PISD: variants seen among roughly 807,000 people sequenced by gnomAD.
PISD encodes the protein phosphatidylserine decarboxylase.
In PISD, 31 loss-of-function variants were observed where a neutral mutation model predicts 43.5. The ratio of observed to expected loss-of-function variants is 0.71; its 90% CI spans 0.54 to 0.96. PISD has a LOEUF of 0.96. PISD is among the 40% of genes least tolerant of loss of function. The probability of loss-of-function intolerance (pLI) is 0.00; values close to 1 mark genes in which losing one functional copy is unlikely to be tolerated. For missense variants in PISD, 523 were observed against 548.4 expected, an observed-to-expected ratio of 0.95 and a Z score of 0.46; for synonymous variants, 259 against 228.7, an observed-to-expected ratio of 1.13 and a Z score of -1.20.
rs540549540 is a variant in PISD at position 31,619,692 on chromosome 22, A to G, written c.1150T>C (p.Phe384Leu). ...AAATTGAAGTCCTTGGGGGCCTCGA[A>G]GATGAGCACGATGGTGGAGCCCAGG... ...FNLGSTIVLI[F>L]EAPKDFNFQL... is the part of the protein sequence containing the mutation. Residue 384 changes from phenylalanine (F) to leucine (L), a missense_variant, in exon 8 of 8, where the codon TTC (phenylalanine) becomes CTC (leucine). Physicochemically the swap from Phe to Leu is conservative, Grantham distance 22 (BLOSUM62 0). Coordinates refer to ENST00000439502, the MANE Select transcript of PISD (RefSeq NM_001326411.2). 1 of 1,614,238 alleles carries G rather than the reference A, an allele frequency of 6.2e-7. No homozygotes were observed. The highest frequency in any genetic ancestry group is 1.1e-5 in the South Asian group (1 of 91,088).
In PISD at chr22:31,621,398, G is replaced by A. The variant is rs758206483; in HGVS notation, c.633C>T (p.Val211=). The change falls in exon 5 of 8, where the codon GTC becomes GTT. Residue 211 remains valine (V), a synonymous_variant. Transcript: ENST00000439502. ...KNCEVEQVKG[V]TYSLESFLGP... is the part of the protein sequence containing the mutation. ...CCAGGAACGACTCCAGGGAGTAGGT[G>A]ACCCCCTTTACCTGCTCCACCTCAC... 6.2e-7 allele frequency: 1 copy of A among 1,614,012 alleles called. No homozygotes were observed. The highest frequency in any genetic ancestry group is 2.2e-5 in the East Asian group (1 of 44,866).
intron 3 of PISD, chr22:31,623,715 A>T: frequency 6.2e-7 from 1 of 1,614,062 alleles, no homozygotes. Context: ...CACCCGGCTG[A>T]GCGGTCTGAG....
chr22:31,653,030 C>A (rs2147800927), intron 1 of PISD, among the ~76,000 whole-genome samples: 1 of 144,230 alleles, frequency 6.9e-6, no homozygotes, highest in South Asian at 2.2e-4. Flanking sequence ...CAGAGTAGGA[C>A]CCTACCTTAA....
intron 3 of PISD, among the ~76,000 whole-genome samples, chr22:31,646,807 A>C (rs1277340299): frequency 6.6e-6 from 1 of 152,210 alleles, no homozygotes; most frequent in Non-Finnish European, 1.5e-5. Flanking sequence ...ATACTTTGAA[A>C]GTGTGACTCA....
upstream of PISD, chr22:31,662,313 T>G: frequency 4.9e-6 from 6 of 1,219,130 alleles, no homozygotes; most frequent in Non-Finnish European, 7.2e-6. Context: ...AAGCGCGGGT[T>G]GGGGGCGGAG....
At chr22:31,661,176 C>T (rs185772112) in intron 1 of PISD, among the ~76,000 whole-genome samples, 8 of 152,330 alleles carry the variant, frequency 5.3e-5, no homozygotes, top group African/African-American at 1.9e-4. Context: ...CATTTCTGTA[C>T]AGTTAATGAT....
At chr22:31,646,750 G>A (rs2073898375) in intron 3 of PISD, among the ~76,000 whole-genome samples, 1 of 152,154 alleles carries the variant, frequency 6.6e-6, no homozygotes, top group South Asian at 2.1e-4. Flanking sequence ...AATGGAAAAT[G>A]ATGTTTACAG....
intron 1 of PISD, among the ~76,000 whole-genome samples, chr22:31,659,885 T>G (rs117296997): frequency 2.0e-5 from 3 of 151,886 alleles, no homozygotes; most frequent in Non-Finnish European, 4.4e-5. Context: ...CCCGGCTTTG[T>G]TTTTTTTAAT....
At chr22:31,648,398 AC>A in intron 2 of PISD, 122 bp from the exon 3 acceptor site, 1 of 762,138 alleles carries the variant, frequency 1.3e-6, no homozygotes. Context: ...TCAGTAGGGG[AC>A]CAGGCACATG....
intron 3 of PISD, among the ~76,000 whole-genome samples, chr22:31,647,039 T>C (rs2147781855): frequency 6.6e-6 from 1 of 152,188 alleles, no homozygotes; most frequent in East Asian, 1.9e-4. Context: ...ACAGGACTGT[T>C]AGAAATCAAG....
At chr22:31,629,799 G>C (rs765008905) in intron 3 of PISD, 4 of 152,180 alleles carry the variant, frequency 2.6e-5, no homozygotes, top group Non-Finnish European at 5.9e-5. Flanking sequence ...CCCGCAGCCA[G>C]CTCTGCCGGA....
intron 7 of PISD, among the ~76,000 whole-genome samples, chr22:31,620,219 A>G (rs372125434): frequency 5.9e-4 from 89 of 151,370 alleles, no homozygotes; most frequent in African/African-American, 2.1e-3. Context: ...TGTAACCAAC[A>G]TGAGCCACCC....
In PISD at chr22:31,624,879, G is replaced by A. The variant is rs148741700; in HGVS notation, c.322-2994C>T. Among the ~76,000 whole-genome samples, 1,243 of 152,152 alleles carry A rather than the reference G, an allele frequency of 8.2e-3. 8 individuals carry two copies. The highest frequency in any genetic ancestry group is 0.013 in the South Asian group (62 of 4,816). On this transcript the variant is annotated intron_variant, in intron 3 of 7. Coordinates refer to ENST00000439502, the MANE Select transcript of PISD (RefSeq NM_001326411.2). ...TTCACCAGAGCCGCAGAGGCTGGACGGGCCTTTCCACCACAACCCTGGCCT... is the reference window on the plus strand; with the variant it reads ...TTCACCAGAGCCGCAGAGGCTGGACAGGCCTTTCCACCACAACCCTGGCCT...
At chr22:31,637,163 AAATATATATATATAT>A (rs1349617332) in intron 3 of PISD, among the ~76,000 whole-genome samples, 4 of 20,408 alleles carry the variant, frequency 2.0e-4, no homozygotes, top group Admixed American at 6.5e-4. Flanking sequence ...AAAAAAAAAA[AAATATATATATATAT>A]ATATATATAT....
At chr22:31,655,198 C>A (rs1265739498) in intron 1 of PISD, among the ~76,000 whole-genome samples, 1 of 151,766 alleles carries the variant, frequency 6.6e-6, no homozygotes, top group Non-Finnish European at 1.5e-5. Context: ...GAAACTTCTA[C>A]GGTGTTAAGC....
chr22:31,641,635 G>GT (rs1418759264), intron 3 of PISD, among the ~76,000 whole-genome samples: 4 of 147,456 alleles, frequency 2.7e-5, no homozygotes, highest in Admixed American at 2.7e-4. Flanking sequence ...GCCAACAATG[G>GT]TGAAACCCGA....
chr22:31,620,396 C>T (rs965947391), intron 7 of PISD, among the ~76,000 whole-genome samples, 157 bp downstream of exon 7: 7 of 152,220 alleles, frequency 4.6e-5, no homozygotes, highest in Non-Finnish European at 8.8e-5. Context: ...GCAGGTGGAG[C>T]GGCCATTCTC....
In PISD at chr22:31,621,789, A is replaced by C; in HGVS notation, c.418T>G (p.Tyr140Asp). Residue 140 changes from tyrosine to aspartate, a missense_variant, in exon 4 of 8, where the codon TAC becomes GAC. Tyr to Asp is a radical substitution (Grantham distance 160). Coordinates refer to ENST00000439502, the MANE Select transcript of PISD (RefSeq NM_001326411.2). ...ELPHWLRRPV[Y>D]SLYIWTFGVN... ...CCAAACGTCCAGATGTACAGGCTGT[A>C]GACGGGCCTGCGCAGCCAGTGTGGC... 1.2e-6 allele frequency: 2 copies of C among 1,613,986 alleles called. No homozygotes were observed. The highest frequency in any genetic ancestry group is 1.7e-6 in the Non-Finnish European group (2 of 1,180,028).
intron 3 of PISD, chr22:31,629,599 G>C (rs1431742717): frequency 6.9e-6 from 1 of 144,962 alleles, no homozygotes; most frequent in Non-Finnish European, 1.5e-5. Context: ...GGTGCAAGGG[G>C]TGTGTGTAGG....
Sources: allele counts gnomAD v4.1 joint callset (sites outside exome capture counted in the v4.1 genomes callset), GRCh38; gene constraint gnomAD v4.1.1; transcripts MANE v1.5; gene names NCBI Gene and HGNC (gene_info 2026-07-23, HGNC 2026-07-21).